The following MYO18A variants were observed in gnomAD, a reference collection of about 807,000 sequenced individuals.
MYO18A encodes unconventional myosin-XVIIIa.
Under a neutral mutation model 235.8 loss-of-function variants are expected in MYO18A, and 78 were observed. That is an observed-to-expected ratio of 0.33 (90% CI 0.28 to 0.40). The LOEUF (loss-of-function observed/expected upper bound fraction) is 0.40. Ranked by LOEUF, MYO18A falls within the 10% of genes least tolerant of loss-of-function variation. The pLI is 1.00. For missense variants in MYO18A, 2,215 were observed against 2,699.3 expected (o/e 0.82, Z 3.98); for synonymous variants, 977 against 1,077.8 (o/e 0.91, Z 1.83).
chr17:29,090,037 A>G lies in MYO18A; in HGVS notation c.5450T>C (p.Val1817Ala), dbSNP rs753407124. ...CCGTATCTTAGCTTCCTGCCTGCTC[A>G]CCAGGGACTTGTCCACCATGGACTG... is the stretch of plus-strand genomic sequence containing the variant. The part of the protein sequence containing the change: ...LEQSMVDKSL[V>A]SRQEAKIREL... Residue 1817 changes from valine to alanine, a missense_variant, in exon 37 of 42, where the codon GTG becomes GCG. Physicochemically the swap from Val to Ala is moderately conservative, Grantham distance 64 (BLOSUM62 0). Coordinates refer to ENST00000527372, the MANE Select transcript of MYO18A (RefSeq NM_078471.4). 6.2e-7 allele frequency: 1 copy of G among 1,613,842 alleles called. No homozygotes were observed.
In MYO18A at chr17:29,115,376, TG is replaced by T; in HGVS notation, c.2292del (p.Phe764LeufsTer8). 1 of 1,613,860 alleles carries T rather than the reference TG, an allele frequency of 6.2e-7. No individual in the cohort carries two copies. ...CTATTCACCAGGGAGACGAGAAGGGTGAAGAGCTCGCTGTAGAGGCCGGCCG... is the reference window on the plus strand; with the variant it reads ...CTATTCACCAGGGAGACGAGAAGGGTAAGAGCTCGCTGTAGAGGCCGGCCG... ...GMAAGLYSELFTLLVSLVNRA... is the reference protein window; with the variant it reads ...GMAAGLYSELXTLLVSLVNRA... On this transcript the variant is annotated frameshift_variant, in exon 13 of 42. Transcript: ENST00000527372. LOFTEE classifies it high-confidence loss of function.
chr17:29,107,079 C>T lies in MYO18A; in HGVS notation c.3441+1G>A. ...AGAGCGGTCTGGGGACCTGGACCTA[C>T]CCGCCTTTCATCCACCACGATGTAG... On this transcript the variant is annotated splice_donor_variant, in intron 20 of 41. Transcript: ENST00000527372. LOFTEE classifies it high-confidence loss of function. The T allele has an allele frequency of 6.2e-7, 1 of 1,613,918 alleles. No homozygotes were observed. Among genetic ancestry groups the T allele is most frequent in the Non-Finnish European group, 8.5e-7 (1 of 1,179,814 alleles).
chr17:29,090,136 C>A (rs780046115), intron 36 of MYO18A, 38 bp from the exon 37 acceptor site: 1 of 1,595,806 alleles, frequency 6.3e-7, no homozygotes, highest in Non-Finnish European at 8.5e-7. Flanking sequence ...AAGAACTGAG[C>A]CCAGAAAGGG....
chr17:29,166,015 G>A lies in MYO18A; in HGVS notation c.926C>T (p.Pro309Leu). ...GCTGAGCTCGCTGAGCTCTGGAATG[G>A]GCTGCACCTTGAGCCGCACGCTGTC... is the stretch of plus-strand genomic sequence containing the variant. The part of the protein sequence containing the change: ...SGDSVRLKVQ[P>L]IPELSELSRS... The change falls in exon 2 of 42, where the codon CCC becomes CTC. Residue 309 changes from proline (P) to leucine (L), a missense_variant. By Grantham distance (98) the Pro-to-Leu change is moderately conservative. Coordinates refer to ENST00000527372, the MANE Select transcript of MYO18A (RefSeq NM_078471.4). 3.1e-6 allele frequency: 5 copies of A among 1,613,682 alleles called. No homozygotes were observed. The highest frequency in any genetic ancestry group is 4.2e-6 in the Non-Finnish European group (5 of 1,179,900).
intron 34 of MYO18A, 65 bp downstream of exon 34, chr17:29,092,278 C>G (rs1047938284): frequency 1.6e-6 from 2 of 1,225,942 alleles, no homozygotes; most frequent in Non-Finnish European, 2.3e-6. Context: ...GTGAAGGGAG[C>G]CACAGAGGCA....
At chr17:29,079,338 C>T (rs112485801) in intron 41 of MYO18A, among the ~76,000 whole-genome samples, 5 of 152,322 alleles carry the variant, frequency 3.3e-5, no homozygotes, top group African/African-American at 9.6e-5. Context: ...CCCAGCTGTG[C>T]GTGACCACAT....
At position 29,095,074 on chromosome 17, in the gene MYO18A, G is replaced by A; in HGVS notation, c.4386-15C>T. 1 of 1,513,910 alleles carries A rather than the reference G, an allele frequency of 6.6e-7. No individual in the cohort carries two copies. 93.8% of individuals were successfully genotyped at this position (1,513,910 alleles called of 1,614,324 possible). On this transcript the variant is annotated splice_polypyrimidine_tract_variant and intron_variant, in intron 28 of 41. Coordinates refer to ENST00000527372, the MANE Select transcript of MYO18A (RefSeq NM_078471.4). ...CACTGTCAAACCTGCGAGGGAGTGT[G>A]GCGGCTCCATCAGATGGGGAAGAGC...
chr17:29,083,105 C>T (rs2066159687), intron 40 of MYO18A, among the ~76,000 whole-genome samples: 2 of 151,924 alleles, frequency 1.3e-5, no homozygotes, highest in Non-Finnish European at 2.9e-5. Flanking sequence ...ATCAGCATTT[C>T]CAGAGGGACT....
rs993912338 is a variant in MYO18A, at chr17:29,098,811, C to T, written c.3780+15G>A. On this transcript the variant is annotated intron_variant, in intron 23 of 41. Transcript: ENST00000527372. Reference sequence around the variant, plus strand: ...CCCCTACCCAGAGACTTGGCCCTCTCAGGCTGTCACATACGTCTTTGTTCC... The same window carrying T: ...CCCCTACCCAGAGACTTGGCCCTCTTAGGCTGTCACATACGTCTTTGTTCC... 1.9e-6 allele frequency: 3 copies of T among 1,613,802 alleles called. No individual in the cohort carries two copies. The highest frequency in any genetic ancestry group is 2.5e-6 in the Non-Finnish European group (3 of 1,179,738).
At chr17:29,149,601 T>C (rs2067926384) in intron 2 of MYO18A, among the ~76,000 whole-genome samples, 1 of 152,246 alleles carries the variant, frequency 6.6e-6, no homozygotes, top group African/African-American at 2.4e-5. Flanking sequence ...TTGTCCTCTC[T>C]GCCAAGACCC....
rs760350518 is a variant in MYO18A, at chr17:29,097,918, C to A, written c.3991-19G>T. ...ACTGGGTCTGCAGAAGACAGGGTTT[C>A]AGGGTGTGCCATTCCATCCCCTCAT... On this transcript the variant is annotated intron_variant, in intron 25 of 41. Transcript: ENST00000527372. The A allele has an allele frequency of 6.2e-7, 1 of 1,604,436 alleles. No homozygotes were observed. Among genetic ancestry groups the A allele is most frequent in the African/African-American group, 1.3e-5 (1 of 74,906 alleles).
chr17:29,104,534 TA>T (rs2066734369), intron 20 of MYO18A, among the ~76,000 whole-genome samples: 1 of 151,814 alleles, frequency 6.6e-6, no homozygotes, highest in South Asian at 2.1e-4. Context: ...AGGGGTAGGG[TA>T]GAGAAGTCCA....
At chr17:29,116,864 T>C (rs1218023368) in intron 10 of MYO18A, among the ~76,000 whole-genome samples, 1 of 151,496 alleles carries the variant, frequency 6.6e-6, no homozygotes, top group Non-Finnish European at 1.5e-5. Context: ...AAAGCTAGGC[T>C]TGTCACCGCC....
chr17:29,092,394 C>T lies in MYO18A; in HGVS notation c.5136G>A (p.Glu1712=). 6.2e-7 allele frequency: 1 copy of T among 1,612,660 alleles called. No homozygotes were observed. Among genetic ancestry groups the T allele is most frequent in the Non-Finnish European group, 8.5e-7 (1 of 1,179,866 alleles). Residue 1712 remains glutamate (E), a synonymous_variant, in exon 34 of 42, where the codon GAG becomes GAA. Transcript: ENST00000527372. Reference sequence around the variant, plus strand: ...CAATCTGCAGGTGCAGGTCTTCGATCTCCACCTCCATTGCTTTCCGTGCTT... The same window carrying T: ...CAATCTGCAGGTGCAGGTCTTCGATTTCCACCTCCATTGCTTTCCGTGCTT... ...AVKARKAMEV[E]IEDLHLQIDD...
Position 29,120,920 on chromosome 17 carries a change from T to A in MYO18A, c.1585+78A>T. The A allele has an allele frequency of 6.4e-7, 1 of 1,563,320 alleles. No individual in the cohort carries two copies. The highest frequency in any genetic ancestry group is 8.7e-7 in the Non-Finnish European group (1 of 1,149,772). On this transcript the variant is annotated intron_variant, in intron 6 of 41. Coordinates refer to ENST00000527372, the MANE Select transcript of MYO18A (RefSeq NM_078471.4). The surrounding 1 kb of genome is among the most constrained non-coding windows in gnomAD (Gnocchi z 4.2). Reference sequence around the variant, plus strand: ...TGGAAAGGCCAGGGAGAAAAAGAGCTGGCACTTAAGAGGGTGCTCTCTCCT... The same window carrying A: ...TGGAAAGGCCAGGGAGAAAAAGAGCAGGCACTTAAGAGGGTGCTCTCTCCT...
intron 2 of MYO18A, among the ~76,000 whole-genome samples, chr17:29,161,608 G>C (rs1023324322): frequency 3.3e-5 from 5 of 152,160 alleles, no homozygotes; most frequent in Non-Finnish European, 7.3e-5. Context: ...GGTTTAGCTG[G>C]GTGGGCTTTT....
chr17:29,134,310 T>A (rs1261671933), intron 2 of MYO18A, among the ~76,000 whole-genome samples: 1 of 152,132 alleles, frequency 6.6e-6, no homozygotes, highest in South Asian at 2.1e-4. Flanking sequence ...CTCGAACTCT[T>A]GACCTCAGGT....
At chr17:29,129,192 G>A (rs1009029635) in intron 2 of MYO18A, 44 of 1,079,366 alleles carry the variant, frequency 4.1e-5, no homozygotes, top group African/African-American at 4.1e-4. Context: ...AGCGTCCCTC[G>A]TCTGCGGCCA....
At chr17:29,138,161 G>A (rs916427826) in intron 2 of MYO18A, among the ~76,000 whole-genome samples, 3 of 152,096 alleles carry the variant, frequency 2.0e-5, no homozygotes, top group African/African-American at 2.4e-5. Flanking sequence ...ATAATGCCAC[G>A]CCTCAGGCAG....
Sources: gnomAD v4.1 joint callset for allele counts (sites outside exome capture counted in the v4.1 genomes callset) on GRCh38, gnomAD v4.1.1 for gene constraint, Gnocchi (gnomAD v3.1) non-coding constraint, MANE v1.5 for transcripts, NCBI Gene and HGNC (gene_info 2026-07-23, HGNC 2026-07-21) for gene names.